The following FGF13 variants were observed in gnomAD, a reference collection of about 807,000 sequenced individuals.
FGF13 encodes fibroblast growth factor 13, also known as fibroblast growth factor homologous factor 2.
In FGF13, 2 loss-of-function variants were observed where a neutral mutation model predicts 19.5. That is an observed-to-expected ratio of 0.10 (90% CI 0.04 to 0.32). The LOEUF is 0.32. FGF13 is among the 10% of genes least tolerant of loss of function. The pLI is 1.00. For synonymous variants in FGF13, 72 were observed against 76.9 expected, an observed-to-expected ratio of 0.94 and a Z score of 0.33; for missense variants, 113 against 192.7, an observed-to-expected ratio of 0.59 and a Z score of 2.45.
At chrX:138,988,187 T>C (rs905940829) in intron 1 of FGF13, among the ~76,000 whole-genome samples, 2 of 112,074 alleles carry the variant, frequency 1.8e-5, no homozygotes, top group Non-Finnish European at 3.8e-5. Context: ...CTTCCTCTTC[T>C]TTCTCTATAC....
At chrX:138,803,460 C>T (rs1180142698) in intron 3 of FGF13, among the ~76,000 whole-genome samples, 1 of 111,810 alleles carries the variant, frequency 8.9e-6, no homozygotes, top group Admixed American at 9.5e-5. Flanking sequence ...TATTGAAGTC[C>T]ATTCCATGGT....
intron 1 of FGF13, among the ~76,000 whole-genome samples, chrX:139,026,578 T>C (rs1051842046): frequency 8.9e-6 from 1 of 111,934 alleles, no homozygotes; most frequent in Admixed American, 9.5e-5. Flanking sequence ...GTCAGTATCC[T>C]CTGGTGTTTG....
intron 1 of FGF13, among the ~76,000 whole-genome samples, chrX:139,068,384 T>G (rs5976263): frequency 0.14 from 13,638 of 94,582 alleles, 1,620 homozygotes; most frequent in African/African-American, 0.31. Context: ...TTTTGGTTAC[T>G]GTAGCCTTGT....
chrX:138,766,102 T>C (rs914815905), intron 3 of FGF13, among the ~76,000 whole-genome samples: 1 of 112,260 alleles, frequency 8.9e-6, no homozygotes, highest in Admixed American at 9.5e-5. Context: ...ATCCCCACTG[T>C]AGCCTGTACC....
At chrX:138,914,137 G>T (rs952459830) in intron 1 of FGF13, among the ~76,000 whole-genome samples, 4 of 108,520 alleles carry the variant, frequency 3.7e-5, no homozygotes, top group Non-Finnish European at 7.6e-5. Context: ...CTACGCTCAA[G>T]GCTCCTACTG....
intron 1 of FGF13, among the ~76,000 whole-genome samples, chrX:138,874,236 G>A (rs768646949): frequency 1.9e-5 from 2 of 106,951 alleles, no homozygotes. Flanking sequence ...AGCTCTCTGC[G>A]TCTTCCTTAA....
At chrX:139,181,522 G>C (rs1485185671) in intron 1 of FGF13, among the ~76,000 whole-genome samples, 1 of 112,692 alleles carries the variant, frequency 8.9e-6, no homozygotes, top group Non-Finnish European at 1.9e-5. Flanking sequence ...GGGCGGTTGA[G>C]ACTGACTCTA....
At chrX:139,073,722 T>C (rs1481439209) in intron 1 of FGF13, among the ~76,000 whole-genome samples, 2 of 111,912 alleles carry the variant, frequency 1.8e-5, no homozygotes, top group Non-Finnish European at 3.8e-5. Context: ...ACTGAACCAT[T>C]TGAAAGACAT....
rs1451776919 is a variant in FGF13 at position 138,616,076 on chromosome X, A to T, written c.*16774T>A. The T allele has an allele frequency of 9.0e-6, 1 of 111,250 alleles. No individual in the cohort carries two copies. Among genetic ancestry groups the T allele is most frequent in the Non-Finnish European group, 1.9e-5 (1 of 53,075 alleles). The allele number at this position is 111,250 out of a possible 1,213,427, so 9.2% of individuals were successfully genotyped here. A position where few individuals can be genotyped will look rare whatever the true frequency, so the allele number is the denominator to read the frequency against. The stretch of plus-strand genomic sequence containing the variant: ...TCATTCTGACCCTAGTTCCTCCCAA[A>T]TCTCATGTTCTCACATTTCAAAACA... On this transcript the variant is annotated 3_prime_UTR_variant, in exon 5 of 5. Coordinates refer to ENST00000315930, the MANE Select transcript of FGF13 (RefSeq NM_004114.5).
At chrX:138,719,845 G>A (rs1338308644) in intron 1 of FGF13, among the ~76,000 whole-genome samples, 5 of 112,405 alleles carry the variant, frequency 4.4e-5, no homozygotes, top group Admixed American at 2.8e-4. Context: ...GTAACTTTTC[G>A]TGCAACCACT....
At chrX:139,173,903 T>C (rs1354617047) in intron 1 of FGF13, among the ~76,000 whole-genome samples, 1 of 112,043 alleles carries the variant, frequency 8.9e-6, no homozygotes, top group African/African-American at 3.2e-5. Context: ...TTATAAGCCA[T>C]TGGGTATATA....
chrX:139,010,215 G>A (rs1022732777), intron 1 of FGF13, among the ~76,000 whole-genome samples: 2 of 111,363 alleles, frequency 1.8e-5, no homozygotes, highest in African/African-American at 6.5e-5. Flanking sequence ...GGTGACTTCA[G>A]TAATCCACTG....
At chrX:139,011,624 G>C (rs1306790774) in intron 1 of FGF13, among the ~76,000 whole-genome samples, 2 of 111,455 alleles carry the variant, frequency 1.8e-5, no homozygotes, top group Admixed American at 9.5e-5. Context: ...AAAAGCATTT[G>C]ACAAAACCCA....
intron 1 of FGF13, among the ~76,000 whole-genome samples, chrX:139,052,685 G>A (rs766163168): frequency 1.8e-5 from 2 of 111,313 alleles, no homozygotes; most frequent in East Asian, 5.7e-4. Context: ...TCATTCTTTG[G>A]CCCTCCATTC....
chrX:139,094,980 C>G (rs762616427), intron 1 of FGF13, among the ~76,000 whole-genome samples: 16 of 112,798 alleles, frequency 1.4e-4, no homozygotes, highest in East Asian at 2.8e-4. Context: ...TGTCTTGAAA[C>G]AGCAAAGTAC....
intron 1 of FGF13, among the ~76,000 whole-genome samples, chrX:138,999,263 AC>A (rs2092060827): frequency 8.9e-6 from 1 of 112,097 alleles, no homozygotes; most frequent in African/African-American, 3.2e-5. Flanking sequence ...CTCTCACATC[AC>A]AATTAAAAGA....
chrX:138,869,153 G>A (rs187463572), intron 1 of FGF13, among the ~76,000 whole-genome samples: 19 of 111,077 alleles, frequency 1.7e-4, no homozygotes, highest in Admixed American at 1.5e-3. Context: ...TCCTGCCAAC[G>A]TTCTGTGATC....
At chrX:138,769,042 T>C (rs535439179) in intron 3 of FGF13, among the ~76,000 whole-genome samples, 1 of 110,876 alleles carries the variant, frequency 9.0e-6, no homozygotes, top group East Asian at 2.8e-4. Flanking sequence ...GGGTTTAACA[T>C]GATTCGGTTG....
chrX:138,826,215 G>C (rs765969881), intron 3 of FGF13, among the ~76,000 whole-genome samples: 6 of 111,790 alleles, frequency 5.4e-5, no homozygotes, highest in African/African-American at 1.6e-4. Context: ...GTGCCATGGT[G>C]CTGTAACTCT....
Sources: gnomAD v4.1 joint callset for allele counts (sites outside exome capture counted in the v4.1 genomes callset) on GRCh38, gnomAD v4.1.1 for gene constraint, MANE v1.5 for transcripts, NCBI Gene and HGNC (gene_info 2026-07-23, HGNC 2026-07-21) for gene names.